The following PRKN variants were observed in gnomAD, a reference collection of about 807,000 sequenced individuals.
The protein encoded by PRKN is parkin RBR E3 ubiquitin protein ligase, also known as E3 ubiquitin-protein ligase parkin.
A neutral mutation model predicts 59.5 loss-of-function variants in PRKN; 56 were observed. That is an observed-to-expected ratio of 0.94 (90% confidence interval 0.76 to 1.18). The LOEUF is 1.18. PRKN is among the 50% of genes most tolerant of loss of function. PRKN has a pLI of 0.00. For synonymous variants in PRKN, 250 were observed against 222.1 expected (o/e 1.13, Z -1.12); for missense variants, 657 against 596.4 (o/e 1.10, Z -1.06).
intron 8 of PRKN, among the ~76,000 whole-genome samples, chr6:161,556,154 C>T (rs1195509654): frequency 1.3e-5 from 2 of 152,102 alleles, no homozygotes; most frequent in Non-Finnish European, 2.9e-5. Flanking sequence ...TTATGTCCCC[C>T]TTTCCATTCA....
rs140103949 is a variant in PRKN at position 162,373,959 on chromosome 6, C to T, written c.171+69351G>A. ...TACACAAACAGTTGTATTGGTTACA[C>T]CTTGGTGTCTATTTGAACTGCTTTG... On this transcript the variant is annotated intron_variant, in intron 2 of 11. Coordinates refer to ENST00000366898, the MANE Select transcript of PRKN (RefSeq NM_004562.3). Among the ~76,000 whole-genome samples, 104 of 152,172 alleles carry T rather than the reference C, an allele frequency of 6.8e-4. 2 individuals carry two copies. The East Asian group carries it at 0.018, about 26-fold the overall frequency.
rs571858065 is a variant in PRKN, at chr6:162,447,687, G to T, written c.8-4214C>A. ...CAATTTTATTTACCAAGTCTGACCA[G>T]GGTATAAACTTCATAAATATAGTAG... On this transcript the variant is annotated intron_variant, in intron 1 of 11. Coordinates refer to ENST00000366898, the MANE Select transcript of PRKN (RefSeq NM_004562.3). 1.1e-4 allele frequency among the ~76,000 whole-genome samples: 16 copies of T among 152,214 alleles called. No individual in the cohort carries two copies. In the East Asian group the frequency reaches 2.7e-3, roughly 26 times the overall value.
intron 1 of PRKN, among the ~76,000 whole-genome samples, chr6:162,482,886 C>T (rs1363585452): frequency 3.3e-5 from 5 of 152,090 alleles, no homozygotes; most frequent in Admixed American, 6.6e-5. Flanking sequence ...ACCAAACTGA[C>T]GCAGTCCAGC....
intron 6 of PRKN, among the ~76,000 whole-genome samples, chr6:161,834,192 G>A (rs756619381): frequency 6.6e-6 from 1 of 151,982 alleles, no homozygotes. Context: ...CACTGATCTA[G>A]GAGCCGAGAG....
At chr6:161,987,121 C>T (rs184936717) in intron 5 of PRKN, among the ~76,000 whole-genome samples, 2 of 152,298 alleles carry the variant, frequency 1.3e-5, no homozygotes. Context: ...TGGGCAAAGG[C>T]AAGTGCTTAA....
intron 4 of PRKN, among the ~76,000 whole-genome samples, chr6:162,119,190 A>C (rs962662075): frequency 2.0e-5 from 3 of 152,206 alleles, no homozygotes; most frequent in Non-Finnish European, 2.9e-5. Context: ...AAGATACCTT[A>C]TTAGTTATGA....
At chr6:162,279,055 G>A (rs1279821285) in intron 2 of PRKN, among the ~76,000 whole-genome samples, 1 of 152,146 alleles carries the variant, frequency 6.6e-6, no homozygotes, top group African/African-American at 2.4e-5. Flanking sequence ...TGTTGGCGAG[G>A]TGAGGTGGCT....
At chr6:161,628,350 C>T (rs1783171344) in intron 7 of PRKN, among the ~76,000 whole-genome samples, 1 of 152,176 alleles carries the variant, frequency 6.6e-6, no homozygotes, top group Non-Finnish European at 1.5e-5. Flanking sequence ...ATGGTGGAGT[C>T]TGTGTCTGAT....
intron 2 of PRKN, among the ~76,000 whole-genome samples, chr6:162,404,080 A>C (rs1228843219): frequency 6.6e-6 from 1 of 152,152 alleles, no homozygotes; most frequent in Non-Finnish European, 1.5e-5. Flanking sequence ...GTTTAGAAAT[A>C]ATCCTTTTTG....
At chr6:161,631,414 C>A (rs190631308) in intron 7 of PRKN, among the ~76,000 whole-genome samples, 1 of 152,258 alleles carries the variant, frequency 6.6e-6, no homozygotes, top group Admixed American at 6.5e-5. Flanking sequence ...AGAGACAAGA[C>A]AGGAGAAGAG....
rs74772298 is a variant in PRKN at position 162,189,597 on chromosome 6, T to C, written c.534+11534A>G. On this transcript the variant is annotated intron_variant, in intron 4 of 11. Transcript: ENST00000366898. ...AGGCACTATGCTAAGCACCAAAGTA[T>C]GGTCCCTGCCCCAAGGAAATGAATC... 2.4e-3 allele frequency among the ~76,000 whole-genome samples: 363 copies of C among 151,868 alleles called. 1 individual carries two copies. Among genetic ancestry groups the C allele is most frequent in the African/African-American group, 8.1e-3 (338 of 41,490 alleles).
At chr6:162,435,348 C>CT (rs373795564) in intron 2 of PRKN, among the ~76,000 whole-genome samples, 83 of 147,820 alleles carry the variant, frequency 5.6e-4, no homozygotes, top group East Asian at 1.4e-3. Flanking sequence ...AGAATCTTAG[C>CT]TTTTTTTTTT....
chr6:161,741,215 C>G (rs1788169079), intron 7 of PRKN, among the ~76,000 whole-genome samples: 1 of 152,178 alleles, frequency 6.6e-6, no homozygotes, highest in Non-Finnish European at 1.5e-5. Flanking sequence ...GCTAATGAGA[C>G]AATTTCTCCA....
At chr6:162,483,559 A>AGGAG (rs529996805) in intron 1 of PRKN, among the ~76,000 whole-genome samples, 78,136 of 150,188 alleles carry the variant, frequency 0.52, 20,689 homozygotes, top group African/African-American at 0.62. Context: ...GACGTAGGGA[A>AGGAG]GGAGGGAGAG....
At chr6:161,703,513 CA>C (rs750984792) in intron 7 of PRKN, among the ~76,000 whole-genome samples, 27 of 152,092 alleles carry the variant, frequency 1.8e-4, no homozygotes, top group Non-Finnish European at 3.4e-4. Flanking sequence ...CTAAAGACTC[CA>C]AATGACAAGA....
chr6:161,602,245 C>A (rs1392319244), intron 7 of PRKN, among the ~76,000 whole-genome samples: 1 of 152,156 alleles, frequency 6.6e-6, no homozygotes. Flanking sequence ...TATCATCTGT[C>A]TTCCAAAGTA....
At chr6:162,447,719 T>A (rs1161990540) in intron 1 of PRKN, among the ~76,000 whole-genome samples, 1 of 152,108 alleles carries the variant, frequency 6.6e-6, no homozygotes, top group Non-Finnish European at 1.5e-5. Flanking sequence ...GTAGTCAATA[T>A]CAATAATTAA....
At chr6:162,335,254 G>A (rs1341680322) in intron 2 of PRKN, among the ~76,000 whole-genome samples, 2 of 151,720 alleles carry the variant, frequency 1.3e-5, no homozygotes, top group Middle Eastern at 3.4e-3. Context: ...GTTAGGCAGG[G>A]TGGTCTTGAA....
At chr6:162,255,232 T>C (rs112973716) in intron 3 of PRKN, among the ~76,000 whole-genome samples, 59 of 152,260 alleles carry the variant, frequency 3.9e-4, no homozygotes, top group African/African-American at 1.3e-3. Flanking sequence ...CCTGGATCTG[T>C]AAACCTAGGT....
Sources: allele counts gnomAD v4.1 joint callset (sites outside exome capture counted in the v4.1 genomes callset), GRCh38; gene constraint gnomAD v4.1.1; transcripts MANE v1.5; gene names NCBI Gene and HGNC (gene_info 2026-07-23, HGNC 2026-07-21).